The following MROH1 variants were observed in gnomAD, a reference collection of about 807,000 sequenced individuals.
MROH1 encodes maestro heat-like repeat-containing protein family member 1.
MROH1 carries 117 observed loss-of-function variants against 116.5 expected under a neutral mutation model. That is an observed-to-expected ratio of 1.00 (90% CI 0.86 to 1.17). The LOEUF (loss-of-function observed/expected upper bound fraction) is 1.17, where lower values mean the gene tolerates loss of function less well. Ranked by LOEUF, MROH1 falls within the 50% of genes most tolerant of loss-of-function variation. MROH1 has a pLI of 0.00. For synonymous variants in MROH1, 921 were observed against 583.9 expected, an observed-to-expected ratio of 1.58 and a Z score of -8.32; for missense variants, 1,873 against 1,338.5, an observed-to-expected ratio of 1.40 and a Z score of -6.23.
chr8:144,261,102 GC>G lies in MROH1; in HGVS notation c.4672-10del. ...GGCGGGGCCAGGCGGCACTGACCAG[GC>G]CTCTCCCCAGATGCACCATTTCCCA... On this transcript the variant is annotated splice_polypyrimidine_tract_variant and intron_variant, in intron 41 of 43. Coordinates refer to ENST00000326134, the MANE Select transcript of MROH1 (RefSeq NM_032450.3). The G allele has an allele frequency of 1.3e-6, 1 of 775,450 alleles. No individual in the cohort carries two copies. Among genetic ancestry groups the G allele is most frequent in the Non-Finnish European group, 2.4e-6 (1 of 417,638 alleles). The allele number at this position is 775,450 out of a possible 1,614,324, so 48.0% of individuals were successfully genotyped here.
At chr8:144,194,853 AG>A (rs1182114047) in intron 10 of MROH1, among the ~76,000 whole-genome samples, 2 of 151,980 alleles carry the variant, frequency 1.3e-5, no homozygotes, top group African/African-American at 4.8e-5. Flanking sequence ...GGCTGCAGTG[AG>A]CCATGATCAT....
intron 3 of MROH1, among the ~76,000 whole-genome samples, chr8:144,164,237 T>C (rs1820235718): frequency 6.6e-6 from 1 of 151,654 alleles, no homozygotes; most frequent in East Asian, 2.0e-4. Context: ...AAACCCCGTC[T>C]CTCCTAAAAA....
intron 12 of MROH1, among the ~76,000 whole-genome samples, chr8:144,207,900 G>A (rs1176163390): frequency 6.6e-6 from 1 of 151,148 alleles, no homozygotes; most frequent in African/African-American, 2.4e-5. Flanking sequence ...ACTAATGTTT[G>A]GGTGTGAGTG....
At chr8:144,198,470 T>C (rs1425145130) in intron 10 of MROH1, among the ~76,000 whole-genome samples, 1 of 152,110 alleles carries the variant, frequency 6.6e-6, no homozygotes, top group Non-Finnish European at 1.5e-5. Flanking sequence ...CAGGCTGGAG[T>C]GCGGTGGCAC....
intron 12 of MROH1, among the ~76,000 whole-genome samples, chr8:144,205,503 T>A (rs1832624843): frequency 1.2e-5 from 1 of 83,022 alleles, no homozygotes; most frequent in Non-Finnish European, 2.4e-5. Flanking sequence ...ATATAAATCC[T>A]TTGCATATAT....
At position 144,224,476 on chromosome 8, in the gene MROH1, G is replaced by C. The variant is rs150085944; in HGVS notation, c.1338+1246G>C. 5.3e-5 allele frequency among the ~76,000 whole-genome samples: 8 copies of C among 151,968 alleles called. No individual in the cohort carries two copies. In the East Asian group the frequency reaches 1.5e-3, roughly 29 times the overall value. Reference sequence around the variant, plus strand: ...AGACGAGATCACACTATGTTGCCCAGGTTGCTTTCGAACTCTTGAGGTCAA... The same window carrying C: ...AGACGAGATCACACTATGTTGCCCACGTTGCTTTCGAACTCTTGAGGTCAA... On this transcript the variant is annotated intron_variant, in intron 14 of 43. Coordinates refer to ENST00000326134, the MANE Select transcript of MROH1 (RefSeq NM_032450.3).
At chr8:144,240,969 C>T (rs931585051) in intron 20 of MROH1, 23 bp from the exon 21 acceptor site, 4 of 732,398 alleles carry the variant, frequency 5.5e-6, no homozygotes, top group East Asian at 2.6e-5. Context: ...CAGGCAGAGC[C>T]GTGTTCTCTG....
chr8:144,159,955 G>A (rs1000596939), intron 1 of MROH1, among the ~76,000 whole-genome samples: 16 of 152,062 alleles, frequency 1.1e-4, no homozygotes, highest in Non-Finnish European at 2.1e-4. Context: ...TTTTTTAGTA[G>A]AGACAGGGTT....
At chr8:144,254,559 T>G (rs1324044937) in intron 33 of MROH1, 2 of 466,700 alleles carry the variant, frequency 4.3e-6, no homozygotes, top group Non-Finnish European at 7.7e-6. Context: ...CCCACACCAC[T>G]GCCCTGGGCC....
intron 20 of MROH1, 84 bp from the exon 21 acceptor site, chr8:144,240,908 C>T (rs1020086952): frequency 5.8e-5 from 41 of 712,318 alleles, no homozygotes; most frequent in Non-Finnish European, 8.9e-5. Flanking sequence ...GCAGGAGGTG[C>T]ACCCCAGGGG....
intron 29 of MROH1, 83 bp downstream of exon 29, chr8:144,245,343 T>G: frequency 1.3e-6 from 1 of 748,426 alleles, no homozygotes; most frequent in South Asian, 1.4e-5. Context: ...TGGCTTCCTC[T>G]GGCCGCCGCC....
At chr8:144,220,786 G>A in intron 13 of MROH1, 113 bp downstream of exon 13, 2 of 844,716 alleles carry the variant, frequency 2.4e-6, no homozygotes, top group Non-Finnish European at 3.8e-6. Context: ...ACCCTTGGCT[G>A]GACTGAGCTT....
In MROH1 at chr8:144,192,431, A is replaced by G. The variant is rs374349630; in HGVS notation, c.948+30A>G. 9.1e-6 allele frequency: 14 copies of G among 1,541,146 alleles called. No individual in the cohort carries two copies. In the African/African-American group the frequency reaches 1.9e-4, roughly 21 times the overall value. On this transcript the variant is annotated intron_variant, in intron 10 of 43. Transcript: ENST00000326134. Reference sequence around the variant, plus strand: ...GAGGCGGGCGTCAGGGGGCGGGTCCAGGTTCTGCACACCCTTCCGTGGGAA... The same window carrying G: ...GAGGCGGGCGTCAGGGGGCGGGTCCGGGTTCTGCACACCCTTCCGTGGGAA...
chr8:144,200,293 T>G, intron 11 of MROH1, 135 bp from the exon 12 acceptor site: 4 of 668,366 alleles, frequency 6.0e-6, no homozygotes, highest in Non-Finnish European at 4.9e-6. Context: ...GGCCCAGCGA[T>G]TAGGTGACCC....
intron 34 of MROH1, 79 bp from the exon 35 acceptor site, chr8:144,255,430 A>G: frequency 2.7e-6 from 2 of 732,744 alleles, no homozygotes; most frequent in Non-Finnish European, 2.5e-6. Flanking sequence ...GCGAAGGGGG[A>G]TGCAGTCTCA....
At position 144,244,304 on chromosome 8, in the gene MROH1, G is replaced by C; in HGVS notation, c.2638G>C (p.Glu880Gln). The change falls in exon 27 of 44, where the codon GAG becomes CAG. Residue 880 changes from glutamate (E) to glutamine (Q), a missense_variant. Transcript: ENST00000326134. ...CLHSIMALLP[E>Q]PKEEDGGCQK... is the part of the protein sequence containing the mutation. ...GCACAGCATCATGGCCCTGCTGCCT[G>C]AGCCCAAGGAGGAGGACGGAGGCTG... is the stretch of plus-strand genomic sequence containing the variant. 1.4e-6 allele frequency: 1 copy of C among 719,872 alleles called. No homozygotes were observed. 44.6% of individuals were successfully genotyped at this position (719,872 alleles called of 1,614,324 possible).
Position 144,261,875 on chromosome 8 carries a change from C to G in MROH1, c.*135C>G. On this transcript the variant is annotated 3_prime_UTR_variant, in exon 44 of 44. Coordinates refer to ENST00000326134, the MANE Select transcript of MROH1 (RefSeq NM_032450.3). ...CCCCAGAACAGGCACTGCTGGGGAC[C>G]AAACCCAAGCCCTTCAGTGAGGGAT... is the stretch of plus-strand genomic sequence containing the variant. 1.5e-6 allele frequency: 1 copy of G among 679,484 alleles called. No individual in the cohort carries two copies. Among genetic ancestry groups the G allele is most frequent in the East Asian group, 2.7e-5 (1 of 37,084 alleles). The allele number at this position is 679,484 out of a possible 1,614,324, so 42.1% of individuals were successfully genotyped here. A position where few individuals can be genotyped will look rare whatever the true frequency, so the allele number is the denominator to read the frequency against.
chr8:144,158,896 G>A (rs952946955), intron 1 of MROH1, among the ~76,000 whole-genome samples: 8 of 152,100 alleles, frequency 5.3e-5, no homozygotes, highest in African/African-American at 1.9e-4. Flanking sequence ...ACGCCACCAC[G>A]CCCAGCTAGT....
intron 31 of MROH1, among the ~76,000 whole-genome samples, chr8:144,247,988 A>G (rs976288878): frequency 2.6e-5 from 4 of 152,222 alleles, no homozygotes; most frequent in East Asian, 1.9e-4. Flanking sequence ...TGCCACTGAT[A>G]CCCTGGCCTG....
Sources: gnomAD v4.1 joint callset for allele counts (sites outside exome capture counted in the v4.1 genomes callset) on GRCh38, gnomAD v4.1.1 for gene constraint, MANE v1.5 for transcripts, NCBI Gene and HGNC (gene_info 2026-07-23, HGNC 2026-07-21) for gene names.